Variants in FAM151B observed in about 807,000 individuals in gnomAD.
FAM151B encodes the protein protein FAM151B.
Under a neutral mutation model 31.2 loss-of-function variants are expected in FAM151B, and 24 were observed. The ratio of observed to expected loss-of-function variants is 0.77; its 90% CI spans 0.56 to 1.08. FAM151B has a LOEUF of 1.08. FAM151B is among the 50% of genes least tolerant of loss of function. FAM151B has a pLI of 0.00. For missense variants in FAM151B, 293 were observed against 328.6 expected, an observed-to-expected ratio of 0.89 and a Z score of 0.84; for synonymous variants, 105 against 111.4, an observed-to-expected ratio of 0.94 and a Z score of 0.36.
rs562553679 is a variant in FAM151B at position 80,497,936 on chromosome 5, T to A, written c.26-3856T>A. 5.7e-4 allele frequency among the ~76,000 whole-genome samples: 87 copies of A among 152,100 alleles called. No individual in the cohort carries two copies. The South Asian group carries it at 8.9e-3, about 16-fold the overall frequency. On this transcript the variant is annotated intron_variant, in intron 1 of 5. Transcript: ENST00000282226. Reference sequence around the variant, plus strand: ...GTGCACATGTACCCTAGAACTTAAATAAAAAATAAATAAATAAATAAAAAG... The same window carrying A: ...GTGCACATGTACCCTAGAACTTAAAAAAAAAATAAATAAATAAATAAAAAG...
intron 3 of FAM151B, among the ~76,000 whole-genome samples, chr5:80,515,829 G>C (rs1460876076): frequency 6.6e-6 from 1 of 152,176 alleles, no homozygotes; most frequent in Non-Finnish European, 1.5e-5. Flanking sequence ...TGAGGCAATG[G>C]AGATGGAGGG....
chr5:80,492,485 A>G (rs1188347191), intron 1 of FAM151B, among the ~76,000 whole-genome samples: 2 of 152,112 alleles, frequency 1.3e-5, no homozygotes, highest in Non-Finnish European at 2.9e-5. Context: ...ATAAATAAAT[A>G]TGGTGTGTGT....
At chr5:80,536,958 T>A (rs1309137739) in intron 5 of FAM151B, among the ~76,000 whole-genome samples, 2 of 151,832 alleles carry the variant, frequency 1.3e-5, no homozygotes, top group African/African-American at 4.8e-5. Context: ...TATGAAAAAA[T>A]AGTTTGAATG....
At chr5:80,538,440 CTT>C (rs1231286659) in intron 5 of FAM151B, among the ~76,000 whole-genome samples, 442 of 59,604 alleles carry the variant, frequency 7.4e-3, no homozygotes, top group African/African-American at 0.013. Context: ...TTCTTTCTTT[CTT>C]TCTTTCTCTT....
At chr5:80,519,179 G>A (rs1424961947) in intron 3 of FAM151B, among the ~76,000 whole-genome samples, 1 of 152,124 alleles carries the variant, frequency 6.6e-6, no homozygotes, top group Non-Finnish European at 1.5e-5. Flanking sequence ...GTCATTTTTA[G>A]AATTGTTTAT....
At chr5:80,532,190 T>C (rs552163271) in intron 5 of FAM151B, among the ~76,000 whole-genome samples, 45 of 112,178 alleles carry the variant, frequency 4.0e-4, no homozygotes, top group African/African-American at 1.6e-3. Flanking sequence ...GGACACAGGG[T>C]GGGGAACATC....
At chr5:80,513,431 T>C (rs902620760) in intron 2 of FAM151B, among the ~76,000 whole-genome samples, 173 bp from the exon 3 acceptor site, 2 of 152,176 alleles carry the variant, frequency 1.3e-5, no homozygotes, top group Admixed American at 6.5e-5. Context: ...ATCTAAAAAA[T>C]AGGGAGAATG....
chr5:80,535,952 A>C (rs187051846), intron 5 of FAM151B, among the ~76,000 whole-genome samples: 47 of 152,362 alleles, frequency 3.1e-4, no homozygotes, highest in African/African-American at 1.1e-3. Flanking sequence ...TCTTAAAAAA[A>C]GACATACAAA....
At chr5:80,509,035 G>T (rs891694541) in intron 2 of FAM151B, among the ~76,000 whole-genome samples, 1 of 152,006 alleles carries the variant, frequency 6.6e-6, no homozygotes, top group African/African-American at 2.4e-5. Flanking sequence ...GTGCAGTGAC[G>T]CAATCACAGC....
chr5:80,513,031 C>T (rs938870267), intron 2 of FAM151B, among the ~76,000 whole-genome samples: 1 of 152,044 alleles, frequency 6.6e-6, no homozygotes, highest in Non-Finnish European at 1.5e-5. Flanking sequence ...ATGGGAAGAG[C>T]GGTATGCATG....
chr5:80,496,360 A>G (rs1262338553), intron 1 of FAM151B, among the ~76,000 whole-genome samples: 1 of 152,252 alleles, frequency 6.6e-6, no homozygotes, highest in Non-Finnish European at 1.5e-5. Flanking sequence ...CTTTTTAGCA[A>G]TAAAGTATTT....
chr5:80,539,787 C>G (rs904292191), intron 5 of FAM151B, among the ~76,000 whole-genome samples: 1 of 150,528 alleles, frequency 6.6e-6, no homozygotes, highest in Non-Finnish European at 1.5e-5. Flanking sequence ...CCACCGTGCC[C>G]TGCCTTTTTT....
In FAM151B at chr5:80,534,273, C is replaced by T. The variant is rs540714312; in HGVS notation, c.672-7400C>T. Among the ~76,000 whole-genome samples the T allele has an allele frequency of 2.6e-5, 4 of 152,132 alleles. No individual in the cohort carries two copies. The South Asian group carries it at 8.3e-4, about 32-fold the overall frequency. The stretch of plus-strand genomic sequence containing the variant: ...CTCATTCTACAAGGCCAGCATTACC[C>T]TGATACCAAAAACAGACAAAGACAC... On this transcript the variant is annotated intron_variant, in intron 5 of 5. Transcript: ENST00000282226.
chr5:80,538,589 CCTTT>C (rs1390638478), intron 5 of FAM151B, among the ~76,000 whole-genome samples: 1 of 133,134 alleles, frequency 7.5e-6, no homozygotes, highest in Non-Finnish European at 1.6e-5. Context: ...TTCCTTTCCT[CCTTT>C]CTTTCTTTTC....
At chr5:80,532,746 TAGATCACAAAACA>T (rs1368149340) in intron 5 of FAM151B, among the ~76,000 whole-genome samples, 1 of 152,216 alleles carries the variant, frequency 6.6e-6, no homozygotes, top group African/African-American at 2.4e-5. Flanking sequence ...GACCATATAT[TAGATCACAAAACA>T]AGTCTAACAA....
At chr5:80,508,199 C>T (rs1003272098) in intron 2 of FAM151B, among the ~76,000 whole-genome samples, 2 of 152,058 alleles carry the variant, frequency 1.3e-5, no homozygotes, top group African/African-American at 2.4e-5. Flanking sequence ...GGTTGTTTCC[C>T]TTTTTTGCTA....
In FAM151B at chr5:80,488,173, G is replaced by C. The variant is rs1477572404; in HGVS notation, c.25+25G>C. On this transcript the variant is annotated intron_variant, in intron 1 of 5. Transcript: ENST00000282226. ...GGTAAGCGCCGAGCGCGCGGCCTCT[G>C]CCTGGAGGTGGGGCGCTTTGAGAGG... 1.3e-5 allele frequency: 20 copies of C among 1,536,784 alleles called. No individual in the cohort carries two copies. In the Admixed American group the frequency reaches 3.2e-4, roughly 24 times the overall value.
At chr5:80,517,636 A>AAATGGAATAAATGTACATAT (rs1191904806) in intron 3 of FAM151B, among the ~76,000 whole-genome samples, 1 of 152,222 alleles carries the variant, frequency 6.6e-6, no homozygotes, top group Non-Finnish European at 1.5e-5. Context: ...ATTTACATAT[A>AAATGGAATAAATGTACATAT]AAATGGAATA....
chr5:80,529,039 C>G (rs1170671962), intron 5 of FAM151B, among the ~76,000 whole-genome samples: 1 of 152,200 alleles, frequency 6.6e-6, no homozygotes, highest in Non-Finnish European at 1.5e-5. Flanking sequence ...CAAACTGTCT[C>G]TGAGACCACA....
Sources: gnomAD v4.1 joint callset for allele counts (sites outside exome capture counted in the v4.1 genomes callset) on GRCh38, gnomAD v4.1.1 for gene constraint, MANE v1.5 for transcripts, NCBI Gene and HGNC (gene_info 2026-07-23, HGNC 2026-07-21) for gene names.